The following TBC1D26 variants were observed in gnomAD, a reference collection of about 807,000 sequenced individuals.
TBC1D26 encodes the protein TBC1 domain family member 26.
TBC1D26 carries 19 observed loss-of-function variants against 42.5 expected under a neutral mutation model. That is an observed-to-expected ratio of 0.45 (90% CI 0.31 to 0.66). The LOEUF (loss-of-function observed/expected upper bound fraction) is 0.66. Among genes scored for constraint, TBC1D26 ranks in the 30% least tolerant of loss-of-function variants. TBC1D26 has a pLI of 0.06. For synonymous variants in TBC1D26, 97 were observed against 123.5 expected (o/e 0.79, Z 1.42); for missense variants, 228 against 332.6 (o/e 0.69, Z 2.45).
In TBC1D26 at chr17:15,741,233, T is replaced by G; in HGVS notation, c.646+12T>G. ...CCAGTTGCTCGCTGGTGAGAGGCACTCCCTGTGGGTAGGTGGACAGCTGCC... is the reference window on the plus strand; with the variant it reads ...CCAGTTGCTCGCTGGTGAGAGGCACGCCCTGTGGGTAGGTGGACAGCTGCC... On this transcript the variant is annotated intron_variant, in intron 10 of 14. Coordinates refer to ENST00000437605, the MANE Select transcript of TBC1D26 (RefSeq NM_001388465.1). The G allele has an allele frequency of 1.2e-6, 2 of 1,613,408 alleles. No homozygotes were observed. Among genetic ancestry groups the G allele is most frequent in the South Asian group, 1.1e-5 (1 of 91,076 alleles).
At position 15,735,213 on chromosome 17, in the gene TBC1D26, G is replaced by A. The variant is rs574170431; in HGVS notation, c.-1-135G>A. 6.8e-4 allele frequency: 710 copies of A among 1,048,384 alleles called. 7 individuals carry two copies. In the South Asian group the frequency reaches 9.6e-3, roughly 14 times the overall value. The allele number at this position is 1,048,384 out of a possible 1,614,324, so 64.9% of individuals were successfully genotyped here. A position where few individuals can be genotyped will look rare whatever the true frequency, so the allele number is the denominator to read the frequency against. On this transcript the variant is annotated intron_variant, in intron 2 of 14. Transcript: ENST00000437605. ...GTCAGGGGTGGGACCACTGAGTCTG[G>A]CCCCTGTCATCTGGGAGGGGTAGTG... is the stretch of plus-strand genomic sequence containing the variant.
At chr17:15,740,790 A>G (rs1284146766) in intron 9 of TBC1D26, 1 of 878,524 alleles carries the variant, frequency 1.1e-6, no homozygotes. Context: ...GGTGCAGTTC[A>G]CAGGTGCTGC....
chr17:15,741,300 G>A (rs959950843), intron 10 of TBC1D26, 79 bp downstream of exon 10: 1 of 1,601,626 alleles, frequency 6.2e-7, no homozygotes, highest in Non-Finnish European at 8.5e-7. Flanking sequence ...AGCCACCCTG[G>A]CCGGTGACCC....
chr17:15,734,913 T>C lies in TBC1D26; in HGVS notation c.-142-17T>C, dbSNP rs150227110. On this transcript the variant is annotated splice_polypyrimidine_tract_variant and intron_variant, in intron 1 of 14. Transcript: ENST00000437605. ...GGGGTAGAACGGAGCAGTCACCAGA[T>C]GTCTTGCTTCCTACAGAAAACTGAT... 5.0e-3 allele frequency: 996 copies of C among 200,194 alleles called. 9 individuals carry two copies. Among genetic ancestry groups the C allele is most frequent in the African/African-American group, 0.022 (937 of 42,990 alleles). The allele number at this position is 200,194 out of a possible 1,614,324, so 12.4% of individuals were successfully genotyped here.
chr17:15,738,499 C>T, intron 7 of TBC1D26, 112 bp downstream of exon 7: 1 of 1,385,344 alleles, frequency 7.2e-7, no homozygotes, highest in Middle Eastern at 1.8e-4. Context: ...GGGCTGTGGT[C>T]AGACGCACAT....
intron 12 of TBC1D26, among the ~76,000 whole-genome samples, 164 bp downstream of exon 12, chr17:15,742,643 A>G (rs1967821613): frequency 6.6e-6 from 1 of 152,212 alleles, no homozygotes; most frequent in African/African-American, 2.4e-5. Context: ...GCCCAGCCTC[A>G]TGGGCAGACT....
chr17:15,739,575 G>A (rs1315750967), intron 8 of TBC1D26, among the ~76,000 whole-genome samples: 9 of 152,272 alleles, frequency 5.9e-5, no homozygotes, highest in Non-Finnish European at 1.2e-4. Flanking sequence ...AGGGAATGAC[G>A]CCAGACCCAA....
chr17:15,741,873 C>A, intron 10 of TBC1D26, 69 bp from the exon 11 acceptor site: 1 of 1,531,300 alleles, frequency 6.5e-7, no homozygotes, highest in Non-Finnish European at 9.0e-7. Flanking sequence ...CCCTGCCCAG[C>A]TCTTCCAGCT....
In TBC1D26 at chr17:15,742,050, A is replaced by C. The variant is rs1597758238; in HGVS notation, c.741+14A>C. 6.2e-7 allele frequency: 1 copy of C among 1,610,626 alleles called. No individual in the cohort carries two copies. The highest frequency in any genetic ancestry group is 8.5e-7 in the Non-Finnish European group (1 of 1,177,340). ...ATGAGACACCTGGTGAGTGGATGAC[A>C]CCCTCAGCTCCTAACCAGACGCCCT... On this transcript the variant is annotated intron_variant, in intron 11 of 14. Transcript: ENST00000437605.
intron 1 of TBC1D26, among the ~76,000 whole-genome samples, chr17:15,732,774 A>C (rs1597751767): frequency 6.6e-6 from 1 of 151,926 alleles, no homozygotes; most frequent in South Asian, 2.1e-4. Context: ...TGGTGGAGGG[A>C]GGTGGTGCTC....
At chr17:15,741,353 G>C in intron 10 of TBC1D26, 132 bp downstream of exon 10, 1 of 1,513,416 alleles carries the variant, frequency 6.6e-7, no homozygotes, top group Non-Finnish European at 8.9e-7. Context: ...CAGCTTGTTT[G>C]GAGCCTCCAG....
rs1967871537 is a variant in TBC1D26, at chr17:15,744,721, C to G, written c.*129C>G. ...AGGAGGAGGAGGCCTGAAACAGCTC[C>G]TGAAAATGAGAGGGAAAAGGAAGGT... is the stretch of plus-strand genomic sequence containing the variant. On this transcript the variant is annotated 3_prime_UTR_variant, in exon 15 of 15. Transcript: ENST00000437605. 1 of 152,132 alleles carries G rather than the reference C, an allele frequency of 6.6e-6. No homozygotes were observed. Among genetic ancestry groups the G allele is most frequent in the Non-Finnish European group, 1.5e-5 (1 of 68,044 alleles). 9.4% of individuals were successfully genotyped at this position (152,132 alleles called of 1,614,324 possible).
rs1014999542 is a variant in TBC1D26 at position 15,739,589 on chromosome 17, G to A, written c.498-511G>A. Among the ~76,000 whole-genome samples, 3 of 152,392 alleles carry A rather than the reference G, an allele frequency of 2.0e-5. No homozygotes were observed. The South Asian group carries it at 6.2e-4, about 32-fold the overall frequency. On this transcript the variant is annotated intron_variant, in intron 8 of 14. Transcript: ENST00000437605. Reference sequence around the variant, plus strand: ...GAGGGAATGACGCCAGACCCAACAGGCTACCACCATGGGATTCCAATTCAT... The same window carrying A: ...GAGGGAATGACGCCAGACCCAACAGACTACCACCATGGGATTCCAATTCAT...
At chr17:15,740,875 C>T (rs890820300) in intron 9 of TBC1D26, 43 of 638,526 alleles carry the variant, frequency 6.7e-5, no homozygotes, top group East Asian at 2.1e-4. Context: ...TGTGCCCTTT[C>T]GGGCCATGTG....
At chr17:15,743,594 C>A in intron 14 of TBC1D26, 78 bp downstream of exon 14, 1 of 461,380 alleles carries the variant, frequency 2.2e-6, no homozygotes, top group Non-Finnish European at 2.9e-6. Flanking sequence ...GCCCCGCCAG[C>A]CCTCCTACCT....
In TBC1D26 at chr17:15,741,703, G is replaced by A. The variant is rs542117333; in HGVS notation, c.647-239G>A. The A allele has an allele frequency of 9.3e-5, 51 of 547,844 alleles. 1 individual carries two copies. Among genetic ancestry groups the A allele is most frequent in the African/African-American group, 7.4e-4 (39 of 52,830 alleles). 33.9% of individuals were successfully genotyped at this position (547,844 alleles called of 1,614,324 possible). On this transcript the variant is annotated intron_variant, in intron 10 of 14. Transcript: ENST00000437605. ...CTCCCACCCTGTTCTCCCCGCTGGC[G>A]CCTGCCTTGTGGTGTCAAATGCAGG...
At chr17:15,743,254 TG>T in intron 13 of TBC1D26, 112 bp from the exon 14 acceptor site, 1 of 402,528 alleles carries the variant, frequency 2.5e-6, no homozygotes, top group Non-Finnish European at 3.4e-6. Flanking sequence ...AACCCCAGGG[TG>T]GCCAAAAAGG....
Position 15,744,231 on chromosome 17 carries a change from C to T in TBC1D26, c.1058-12C>T, listed in dbSNP as rs558191332. The stretch of plus-strand genomic sequence containing the variant: ...AGTATTTCTTTCCATTTGTGACTCT[C>T]CAATCACGCAGGGAGCTTGCTACAA... On this transcript the variant is annotated splice_polypyrimidine_tract_variant and intron_variant, in intron 14 of 14. Coordinates refer to ENST00000437605, the MANE Select transcript of TBC1D26 (RefSeq NM_001388465.1). 6.6e-6 allele frequency: 1 copy of T among 152,312 alleles called. No homozygotes were observed. Among genetic ancestry groups the T allele is most frequent in the South Asian group, 2.1e-4 (1 of 4,816 alleles). 9.4% of individuals were successfully genotyped at this position (152,312 alleles called of 1,614,324 possible).
intron 11 of TBC1D26, 90 bp downstream of exon 11, chr17:15,742,126 G>A: frequency 8.9e-7 from 1 of 1,120,594 alleles, no homozygotes. Context: ...CTGGCAAGAG[G>A]CTGAGTCCCA....
Sources: allele counts gnomAD v4.1 joint callset (sites outside exome capture counted in the v4.1 genomes callset), GRCh38; gene constraint gnomAD v4.1.1; transcripts MANE v1.5; gene names NCBI Gene and HGNC (gene_info 2026-07-23, HGNC 2026-07-21).